BANK1: variants seen among roughly 807,000 people sequenced by gnomAD.
The protein encoded by BANK1 is B cell scaffold protein with ankyrin repeats 1.
BANK1 carries 95 observed loss-of-function variants against 94.5 expected under a neutral mutation model. The ratio of observed to expected loss-of-function variants is 1.00; its 90% CI spans 0.85 to 1.19. The LOEUF is 1.19. Among genes scored for constraint, BANK1 ranks in the 50% most tolerant of loss-of-function variants. The pLI is 0.00. For synonymous variants in BANK1, 334 were observed against 308.4 expected (o/e 1.08, Z -0.87); for missense variants, 987 against 932.2 (o/e 1.06, Z -0.77).
At chr4:101,943,884 T>C (rs1257663750) in intron 7 of BANK1, among the ~76,000 whole-genome samples, 1 of 151,906 alleles carries the variant, frequency 6.6e-6, no homozygotes, top group East Asian at 1.9e-4. Context: ...TCTTGAGAGA[T>C]AGGTACTTAC....
At chr4:101,945,289 AT>A (rs1032457391) in intron 7 of BANK1, among the ~76,000 whole-genome samples, 7 of 151,864 alleles carry the variant, frequency 4.6e-5, no homozygotes, top group South Asian at 2.1e-4. Context: ...TGATTAAATT[AT>A]TTTTTTCCTT....
intron 7 of BANK1, among the ~76,000 whole-genome samples, chr4:101,986,268 C>T (rs956793826): frequency 3.9e-5 from 6 of 152,046 alleles, no homozygotes; most frequent in Non-Finnish European, 8.8e-5. Flanking sequence ...AAGTATTAGA[C>T]AACAGAAACA....
At chr4:101,818,228 T>A (rs961483574) in intron 1 of BANK1, among the ~76,000 whole-genome samples, 1 of 152,170 alleles carries the variant, frequency 6.6e-6, no homozygotes, top group Non-Finnish European at 1.5e-5. Flanking sequence ...TTCTACCAAG[T>A]GACTGCAAAC....
At chr4:101,848,851 T>A (rs1727354004) in intron 2 of BANK1, among the ~76,000 whole-genome samples, 1 of 152,216 alleles carries the variant, frequency 6.6e-6, no homozygotes, top group Admixed American at 6.5e-5. Context: ...TTCATTCTCT[T>A]CCTAGTCTCT....
At chr4:102,006,118 A>G (rs535328915) in intron 7 of BANK1, among the ~76,000 whole-genome samples, 1 of 152,156 alleles carries the variant, frequency 6.6e-6, no homozygotes, top group Admixed American at 6.5e-5. Flanking sequence ...ATGATATCTA[A>G]TCTATGCCAA....
chr4:101,907,497 G>C (rs527981441), intron 6 of BANK1, among the ~76,000 whole-genome samples: 1 of 152,194 alleles, frequency 6.6e-6, no homozygotes, highest in African/African-American at 2.4e-5. Flanking sequence ...ACTGGCAAAA[G>C]ACAGGGATGC....
At chr4:102,048,569 G>C (rs1340845910) in intron 11 of BANK1, among the ~76,000 whole-genome samples, 3 of 152,074 alleles carry the variant, frequency 2.0e-5, no homozygotes, top group Non-Finnish European at 4.4e-5. Context: ...TCTTTATTTG[G>C]TAGAACAATA....
Position 102,060,266 on chromosome 4 carries a change from T to C in BANK1, c.2025T>C (p.Asp675=). Reference sequence around the variant, plus strand: ...CTACTCTCAGGGGCTGTCTAACTGATGGTCAGGAAGAACTCATCCTCCTGC... The same window carrying C: ...CTACTCTCAGGGGCTGTCTAACTGACGGTCAGGAAGAACTCATCCTCCTGC... ...AFSTLRGCLT[D]GQEELILLQE... Residue 675 remains aspartate (D), a synonymous_variant, in exon 12 of 17, where the codon GAT becomes GAC. Transcript: ENST00000322953. 1 of 1,608,056 alleles carries C rather than the reference T, an allele frequency of 6.2e-7. No homozygotes were observed. Among genetic ancestry groups the C allele is most frequent in the Non-Finnish European group, 8.5e-7 (1 of 1,178,100 alleles).
At position 102,025,206 on chromosome 4, in the gene BANK1, C is replaced by T. The variant is rs755280198; in HGVS notation, c.1291C>T (p.Gln431Ter). 2 of 1,613,688 alleles carry T rather than the reference C, an allele frequency of 1.2e-6. No homozygotes were observed. Among genetic ancestry groups the T allele is most frequent in the African/African-American group, 1.3e-5 (1 of 74,896 alleles). Residue 431 changes from glutamine to a stop codon, truncating the protein, a stop_gained, in exon 9 of 17, where the codon CAG becomes TAG. Coordinates refer to ENST00000322953, the MANE Select transcript of BANK1 (RefSeq NM_017935.5). LOFTEE classifies it high-confidence loss of function. ...GCAATCTTCATCATAAACAGCCACA[C>T]AGAACCCAGCATTTCATCATGAAAG... Reference protein sequence around the residue: ...ASFSTYIPSTQNPAFHHESRK... With the variant: ...ASFSTYIPST
At chr4:101,834,232 G>A (rs1351308774) in intron 2 of BANK1, among the ~76,000 whole-genome samples, 1 of 152,114 alleles carries the variant, frequency 6.6e-6, no homozygotes, top group Non-Finnish European at 1.5e-5. Context: ...CTCGGTAAGA[G>A]GAAAAACTCA....
At chr4:101,818,877 T>A (rs927091447) in intron 1 of BANK1, among the ~76,000 whole-genome samples, 1 of 151,532 alleles carries the variant, frequency 6.6e-6, no homozygotes, top group African/African-American at 2.4e-5. Flanking sequence ...ACTGTATTTT[T>A]TTTTTTTTTT....
chr4:101,887,682 C>G (rs775079237), intron 5 of BANK1, among the ~76,000 whole-genome samples: 3 of 152,014 alleles, frequency 2.0e-5, no homozygotes, highest in Non-Finnish European at 2.9e-5. Context: ...ATACCACTTG[C>G]AAGTATTTAA....
chr4:101,960,689 G>T (rs540139286), intron 7 of BANK1, among the ~76,000 whole-genome samples: 134 of 152,196 alleles, frequency 8.8e-4, no homozygotes, highest in African/African-American at 3.1e-3. Flanking sequence ...TCGTTGTTTC[G>T]TCTTGCTTTG....
At chr4:101,998,363 C>T (rs562760985) in intron 7 of BANK1, among the ~76,000 whole-genome samples, 10 of 152,110 alleles carry the variant, frequency 6.6e-5, no homozygotes, top group Admixed American at 2.6e-4. Context: ...AGAATAAGTG[C>T]GGTGTGGTGC....
At chr4:102,035,573 G>C (rs1441010548) in intron 10 of BANK1, among the ~76,000 whole-genome samples, 4 of 150,592 alleles carry the variant, frequency 2.7e-5, no homozygotes, top group African/African-American at 9.8e-5. Flanking sequence ...GCATGAACCC[G>C]GGAGGCAGAG....
At chr4:101,850,471 C>T (rs1010368339) in intron 2 of BANK1, among the ~76,000 whole-genome samples, 35 of 150,128 alleles carry the variant, frequency 2.3e-4, no homozygotes, top group African/African-American at 5.6e-4. Flanking sequence ...TTGGTAGGGA[C>T]GGGGTTTCAC....
intron 10 of BANK1, among the ~76,000 whole-genome samples, chr4:102,034,234 G>A (rs1727421574): frequency 6.6e-6 from 1 of 152,112 alleles, no homozygotes; most frequent in Non-Finnish European, 1.5e-5. Flanking sequence ...GAAAAATACA[G>A]GAATGCAGAA....
intron 5 of BANK1, among the ~76,000 whole-genome samples, chr4:101,873,546 C>G (rs1158384832): frequency 2.0e-5 from 3 of 152,226 alleles, no homozygotes; most frequent in East Asian, 1.9e-4. Context: ...AATGAGCGTT[C>G]TGTGAATTTG....
chr4:101,872,950 A>G (rs1195870357), intron 5 of BANK1, among the ~76,000 whole-genome samples: 2 of 151,712 alleles, frequency 1.3e-5, no homozygotes, highest in African/African-American at 2.4e-5. Flanking sequence ...ATCACGCCAC[A>G]GCACTCCAGC....
Sources: gnomAD v4.1 joint callset for allele counts (sites outside exome capture counted in the v4.1 genomes callset) on GRCh38, gnomAD v4.1.1 for gene constraint, MANE v1.5 for transcripts, NCBI Gene and HGNC (gene_info 2026-07-23, HGNC 2026-07-21) for gene names.